Variants in MYT1L observed in about 807,000 individuals in gnomAD.
The protein encoded by MYT1L is myelin transcription factor 1-like protein.
MYT1L carries 12 observed loss-of-function variants against 126.7 expected under a neutral mutation model. The ratio of observed to expected loss-of-function variants is 0.09; its 90% CI spans 0.06 to 0.15. The LOEUF (loss-of-function observed/expected upper bound fraction) is 0.15, where lower values mean the gene tolerates loss of function less well. Ranked by LOEUF, MYT1L falls within the 10% of genes least tolerant of loss-of-function variation. The pLI, the probability that MYT1L is intolerant of heterozygous loss-of-function variation, is 1.00. For missense variants in MYT1L, 979 were observed against 1,585.2 expected (o/e 0.62, Z 6.49); for synonymous variants, 541 against 604.2 (o/e 0.90, Z 1.53).
At chr2:2,282,503 A>G (rs2095461912) in intron 2 of MYT1L, among the ~76,000 whole-genome samples, 1 of 152,192 alleles carries the variant, frequency 6.6e-6, no homozygotes, top group South Asian at 2.1e-4. Context: ...AGGACCACAC[A>G]TAAAATGAAG....
chr2:2,174,758 C>G (rs893033387), intron 2 of MYT1L, among the ~76,000 whole-genome samples: 13 of 152,018 alleles, frequency 8.6e-5, no homozygotes, highest in Admixed American at 5.2e-4. Flanking sequence ...TATAACTATT[C>G]ATCAAATGTT....
At chr2:2,033,814 G>C (rs895607883) in intron 4 of MYT1L, among the ~76,000 whole-genome samples, 19 of 152,290 alleles carry the variant, frequency 1.2e-4, no homozygotes, top group African/African-American at 4.6e-4. Context: ...CCTGGGGACA[G>C]GATGGCACTG....
Position 1,887,566 on chromosome 2 carries a change from C to T in MYT1L, c.2564G>A (p.Arg855Gln), listed in dbSNP as rs200730994. Residue 855 changes from arginine to glutamine, a missense_variant, in exon 17 of 25, where the codon CGG becomes CAG. Physicochemically the swap from Arg to Gln is conservative, Grantham distance 43. Coordinates refer to ENST00000647738, the MANE Select transcript of MYT1L (RefSeq NM_001303052.2). The surrounding 1 kb of genome is among the most constrained non-coding windows in gnomAD (Gnocchi z 4.8). ...TGGGATGGTCACCTCCCCGGGATAC[C>T]GTCTTTCTTCTAGAGCCTCCTGGAA... Reference protein sequence around the residue: ...DPFQEALEERRYPGEVTIPSP... With the variant: ...DPFQEALEERQYPGEVTIPSP... 190 of 1,613,838 alleles carry T rather than the reference C, an allele frequency of 1.2e-4. 1 individual carries two copies. The highest frequency in any genetic ancestry group is 1.1e-4 in the South Asian group (10 of 91,088).
intron 10 of MYT1L, among the ~76,000 whole-genome samples, chr2:1,920,328 C>T (rs145988586): frequency 1.1e-4 from 17 of 152,286 alleles, no homozygotes; most frequent in South Asian, 2.1e-4. Context: ...AAAAACAAAA[C>T]GAGTCAAAAT....
intron 4 of MYT1L, among the ~76,000 whole-genome samples, chr2:2,018,920 G>C (rs2064733360): frequency 6.6e-6 from 1 of 152,202 alleles, no homozygotes; most frequent in Non-Finnish European, 1.5e-5. Flanking sequence ...ATATTACATA[G>C]AGCTGGGGGA....
chr2:2,240,890 A>C (rs2149136655), intron 2 of MYT1L, among the ~76,000 whole-genome samples: 1 of 152,320 alleles, frequency 6.6e-6, no homozygotes, highest in Admixed American at 6.5e-5. Flanking sequence ...ATGTAGGTCA[A>C]AAGTCATGTT....
chr2:2,146,395 G>A (rs1003715459), intron 3 of MYT1L, among the ~76,000 whole-genome samples: 1 of 152,128 alleles, frequency 6.6e-6, no homozygotes, highest in African/African-American at 2.4e-5. Context: ...GCCGGGCAGA[G>A]CACCTGGGAC....
intron 3 of MYT1L, among the ~76,000 whole-genome samples, chr2:2,105,438 T>C (rs973353264): frequency 4.6e-5 from 7 of 152,346 alleles, no homozygotes; most frequent in Middle Eastern, 6.8e-3. Flanking sequence ...TCTTTTATTA[T>C]TGTGAACTTT....
At chr2:1,996,811 A>C (rs1401135154) in intron 5 of MYT1L, among the ~76,000 whole-genome samples, 10 of 136,932 alleles carry the variant, frequency 7.3e-5, no homozygotes, top group African/African-American at 2.8e-4. Flanking sequence ...GCCCTGCCTC[A>C]GTGTGGGCTG....
intron 2 of MYT1L, among the ~76,000 whole-genome samples, chr2:2,238,487 CAA>C (rs1369552204): frequency 2.0e-5 from 3 of 152,302 alleles, no homozygotes; most frequent in African/African-American, 7.2e-5. Flanking sequence ...CCTCCTTTGA[CAA>C]AGTGTATGGA....
At chr2:2,307,662 C>T (rs749926742) in intron 1 of MYT1L, among the ~76,000 whole-genome samples, 5 of 152,126 alleles carry the variant, frequency 3.3e-5, no homozygotes, top group Non-Finnish European at 7.4e-5. Context: ...TACACTCTAC[C>T]TATACTCCAC....
intron 3 of MYT1L, among the ~76,000 whole-genome samples, chr2:2,109,074 T>C (rs1334710801): frequency 8.5e-5 from 13 of 152,256 alleles, no homozygotes; most frequent in Admixed American, 8.5e-4. Flanking sequence ...GCTAAAAGTC[T>C]GTGGATTCCT....
At chr2:2,312,714 G>A (rs2385137) in intron 1 of MYT1L, among the ~76,000 whole-genome samples, 3,693 of 152,218 alleles carry the variant, frequency 0.024, 90 homozygotes, top group South Asian at 0.11. Flanking sequence ...CTTATGTTTG[G>A]ATCCCATGGA....
At chr2:2,312,644 T>C (rs2095993216) in intron 1 of MYT1L, among the ~76,000 whole-genome samples, 2 of 152,154 alleles carry the variant, frequency 1.3e-5, no homozygotes, top group African/African-American at 4.8e-5. Context: ...CTAAGTATTT[T>C]CATCACTAGT....
chr2:1,858,924 C>T (rs1330394133), intron 18 of MYT1L, among the ~76,000 whole-genome samples: 1 of 152,258 alleles, frequency 6.6e-6, no homozygotes, highest in African/African-American at 2.4e-5. Context: ...CCGGTGCCCT[C>T]TCCGAATTCC....
At chr2:2,074,891 G>A (rs952392184) in intron 3 of MYT1L, among the ~76,000 whole-genome samples, 1 of 152,094 alleles carries the variant, frequency 6.6e-6, no homozygotes, top group Non-Finnish European at 1.5e-5. Flanking sequence ...ATTTACTGAG[G>A]GCTTATTTTG....
At chr2:2,106,062 C>T (rs2078714500) in intron 3 of MYT1L, among the ~76,000 whole-genome samples, 1 of 152,108 alleles carries the variant, frequency 6.6e-6, no homozygotes, top group Non-Finnish European at 1.5e-5. Flanking sequence ...GTTTGACCAA[C>T]TCAAAGGAAT....
chr2:1,939,732 T>C (rs1229645042), intron 9 of MYT1L, among the ~76,000 whole-genome samples: 3 of 152,226 alleles, frequency 2.0e-5, no homozygotes, highest in Non-Finnish European at 4.4e-5. Context: ...TCCTTTGATA[T>C]AGAAGCTGCT....
intron 18 of MYT1L, among the ~76,000 whole-genome samples, chr2:1,885,778 C>T (rs968226602): frequency 1.6e-4 from 24 of 152,300 alleles, no homozygotes; most frequent in African/African-American, 4.8e-4. Flanking sequence ...CACCCTCTTT[C>T]CCTGTGTGCA....
Sources: gnomAD v4.1 joint callset for allele counts (sites outside exome capture counted in the v4.1 genomes callset) on GRCh38, gnomAD v4.1.1 for gene constraint, Gnocchi (gnomAD v3.1) non-coding constraint, MANE v1.5 for transcripts, NCBI Gene and HGNC (gene_info 2026-07-23, HGNC 2026-07-21) for gene names.